Variants in ARHGAP24 observed in about 807,000 individuals in gnomAD.
ARHGAP24 encodes the protein Rho GTPase activating protein 24.
ARHGAP24 carries 50 observed loss-of-function variants against 76.4 expected under a neutral mutation model. The ratio of observed to expected loss-of-function variants is 0.65; its 90% CI spans 0.52 to 0.83. ARHGAP24 has a LOEUF of 0.83. Among genes scored for constraint, ARHGAP24 ranks in the 40% least tolerant of loss-of-function variants. The pLI, the probability that ARHGAP24 is intolerant of heterozygous loss-of-function variation, is 0.00. For missense variants in ARHGAP24, 930 were observed against 914.2 expected (o/e 1.02, Z -0.22); for synonymous variants, 345 against 323.3 (o/e 1.07, Z -0.72).
At chr4:85,956,744 A>G (rs1359860975) in intron 5 of ARHGAP24, among the ~76,000 whole-genome samples, 1 of 152,178 alleles carries the variant, frequency 6.6e-6, no homozygotes, top group East Asian at 1.9e-4. Context: ...CGCCTCGCTG[A>G]ATCAGGAGCA....
chr4:85,727,919 G>A (rs1725230802), intron 3 of ARHGAP24, among the ~76,000 whole-genome samples: 1 of 151,868 alleles, frequency 6.6e-6, no homozygotes, highest in South Asian at 2.1e-4. Flanking sequence ...AAAAGACAAG[G>A]GGATGAGGAA....
intron 3 of ARHGAP24, among the ~76,000 whole-genome samples, chr4:85,921,678 G>A (rs999013627): frequency 6.6e-6 from 1 of 152,108 alleles, no homozygotes; most frequent in Admixed American, 6.6e-5. Context: ...GATACGAGTT[G>A]TTTAAAGCAG....
intron 1 of ARHGAP24, among the ~76,000 whole-genome samples, chr4:85,562,312 T>C (rs759098498): frequency 1.3e-5 from 2 of 152,194 alleles, no homozygotes; most frequent in African/African-American, 2.4e-5. Flanking sequence ...ATTACTATGA[T>C]AGTAATCAAG....
intron 3 of ARHGAP24, among the ~76,000 whole-genome samples, chr4:85,841,625 T>C (rs1351175649): frequency 1.3e-5 from 2 of 152,250 alleles, no homozygotes; most frequent in African/African-American, 2.4e-5. Context: ...TTTCTTCAAA[T>C]GACTTTGTAC....
intron 1 of ARHGAP24, among the ~76,000 whole-genome samples, chr4:85,493,949 T>A (rs1026812010): frequency 6.6e-6 from 1 of 152,202 alleles, no homozygotes; most frequent in Non-Finnish European, 1.5e-5. Context: ...ATTTCCTAAG[T>A]TACTTTTCTT....
chr4:85,690,509 G>T (rs186916550), intron 2 of ARHGAP24, among the ~76,000 whole-genome samples: 1 of 152,126 alleles, frequency 6.6e-6, no homozygotes, highest in East Asian at 1.9e-4. Context: ...TGGTCTATTT[G>T]GGGTTTCCAT....
At chr4:85,569,705 C>T (rs1726999074) in intron 1 of ARHGAP24, among the ~76,000 whole-genome samples, 1 of 152,160 alleles carries the variant, frequency 6.6e-6, no homozygotes, top group South Asian at 2.1e-4. Flanking sequence ...TGTTTGTTTT[C>T]TCTTAAACTT....
rs184955990 is a variant in ARHGAP24 at position 85,828,314 on chromosome 4, C to T, written c.269-95334C>T. On this transcript the variant is annotated intron_variant, in intron 3 of 9. Coordinates refer to ENST00000395184, the MANE Select transcript of ARHGAP24 (RefSeq NM_001025616.3). ...TTTGAAGGAATATAAAAACTGCTTC[C>T]GATAAAAATCTAAATTGCTATATTT... 4.3e-3 allele frequency among the ~76,000 whole-genome samples: 661 copies of T among 152,166 alleles called. 4 individuals carry two copies. The highest frequency in any genetic ancestry group is 6.8e-3 in the Non-Finnish European group (465 of 67,994).
intron 3 of ARHGAP24, among the ~76,000 whole-genome samples, chr4:85,861,804 G>C (rs957643341): frequency 6.6e-6 from 1 of 152,020 alleles, no homozygotes; most frequent in East Asian, 1.9e-4. Context: ...CCCCGCATGA[G>C]CCTAAGGTTT....
intron 2 of ARHGAP24, among the ~76,000 whole-genome samples, chr4:85,693,453 G>A (rs1346745465): frequency 6.6e-6 from 1 of 152,176 alleles, no homozygotes; most frequent in East Asian, 1.9e-4. Flanking sequence ...TGAGAGTGTG[G>A]GTTCCTCCCC....
rs1226152266 is a variant in ARHGAP24 at position 85,995,216 on chromosome 4, G to T, written c.1562G>T (p.Gly521Val). 1 of 1,614,004 alleles carries T rather than the reference G, an allele frequency of 6.2e-7. No individual in the cohort carries two copies. Among genetic ancestry groups the T allele is most frequent in the Non-Finnish European group, 8.5e-7 (1 of 1,180,022 alleles). Reference sequence around the variant, plus strand: ...GATAACAAGCAGAAAGAACAAGCTGGAGAGTTAGGCCAGCACAACAGACTG... The same window carrying T: ...GATAACAAGCAGAAAGAACAAGCTGTAGAGTTAGGCCAGCACAACAGACTG... ...LRDNKQKEQA[G>V]ELGQHNRLST... The change falls in exon 9 of 10, where the codon GGA (glycine) becomes GTA (valine). Residue 521 changes from glycine to valine, a missense_variant. Coordinates refer to ENST00000395184, the MANE Select transcript of ARHGAP24 (RefSeq NM_001025616.3).
At chr4:85,627,409 C>G (rs186069851) in intron 2 of ARHGAP24, among the ~76,000 whole-genome samples, 9 of 152,222 alleles carry the variant, frequency 5.9e-5, no homozygotes, top group Non-Finnish European at 1.2e-4. Context: ...ACCTCAAATG[C>G]TGTTGCCTGA....
At position 85,884,564 on chromosome 4, in the gene ARHGAP24, A is replaced by G. The variant is rs189322099; in HGVS notation, c.269-39084A>G. ...TGAAGGAAGAGGTGAGTGTGAAGACAACAAGCCTCCATTCTGGGTTAGCTT... is the reference window on the plus strand; with the variant it reads ...TGAAGGAAGAGGTGAGTGTGAAGACGACAAGCCTCCATTCTGGGTTAGCTT... On this transcript the variant is annotated intron_variant, in intron 3 of 9. Coordinates refer to ENST00000395184, the MANE Select transcript of ARHGAP24 (RefSeq NM_001025616.3). Among the ~76,000 whole-genome samples, 405 of 152,306 alleles carry G rather than the reference A, an allele frequency of 2.7e-3. 1 individual carries two copies. The highest frequency in any genetic ancestry group is 9.3e-3 in the African/African-American group (387 of 41,566).
At chr4:85,878,910 T>C (rs1733087179) in intron 3 of ARHGAP24, among the ~76,000 whole-genome samples, 1 of 152,216 alleles carries the variant, frequency 6.6e-6, no homozygotes, top group Non-Finnish European at 1.5e-5. Context: ...ATGTCACCTT[T>C]GTGAAAGCTT....
At chr4:85,761,319 G>T (rs1726724342) in intron 3 of ARHGAP24, among the ~76,000 whole-genome samples, 1 of 152,104 alleles carries the variant, frequency 6.6e-6, no homozygotes, top group Non-Finnish European at 1.5e-5. Flanking sequence ...CCTTGCGATG[G>T]CTTCTCTTTA....
intron 2 of ARHGAP24, among the ~76,000 whole-genome samples, chr4:85,718,007 AT>A (rs1724793942): frequency 6.6e-6 from 1 of 152,108 alleles, no homozygotes; most frequent in Non-Finnish European, 1.5e-5. Flanking sequence ...TCTTTGGTTA[AT>A]TTAGAGCAGC....
At chr4:85,812,523 T>TA (rs941378248) in intron 3 of ARHGAP24, among the ~76,000 whole-genome samples, 35 of 147,298 alleles carry the variant, frequency 2.4e-4, no homozygotes, top group Admixed American at 2.7e-4. Flanking sequence ...TTTTTTGCCT[T>TA]AAAAAAAAAA....
chr4:85,913,388 T>C (rs1377503590), intron 3 of ARHGAP24, among the ~76,000 whole-genome samples: 1 of 151,804 alleles, frequency 6.6e-6, no homozygotes, highest in African/African-American at 2.4e-5. Flanking sequence ...TTGTAGTCTA[T>C]ATTCACACAC....
intron 3 of ARHGAP24, among the ~76,000 whole-genome samples, chr4:85,812,148 C>T (rs981349955): frequency 3.3e-5 from 5 of 151,874 alleles, no homozygotes; most frequent in African/African-American, 1.2e-4. Flanking sequence ...TGCACTCCAG[C>T]CTGGGTGACA....
Sources: allele counts gnomAD v4.1 joint callset (sites outside exome capture counted in the v4.1 genomes callset), GRCh38; gene constraint gnomAD v4.1.1; transcripts MANE v1.5; gene names NCBI Gene and HGNC (gene_info 2026-07-23, HGNC 2026-07-21).